CFAP69: variants seen among roughly 807,000 people sequenced by gnomAD.
The protein encoded by CFAP69 is cilia- and flagella-associated protein 69.
Under a neutral mutation model 123.0 loss-of-function variants are expected in CFAP69, and 92 were observed. The observed-to-expected ratio is 0.75, with a 90% CI of 0.63 to 0.89. The LOEUF (loss-of-function observed/expected upper bound fraction) is 0.89. CFAP69 is among the 40% of genes least tolerant of loss of function. The pLI is 0.00. For synonymous variants in CFAP69, 380 were observed against 364.3 expected, an observed-to-expected ratio of 1.04 and a Z score of -0.49; for missense variants, 1,067 against 1,096.9, an observed-to-expected ratio of 0.97 and a Z score of 0.39.
chr7:90,245,270 C>T lies in CFAP69; in HGVS notation c.-155C>T. ...CGCTAAGCGGACTGTATGGCGGTGG[C>T]CTAGGCCCCTGGCGGAATTTTGGGA... On this transcript the variant is annotated 5_prime_UTR_variant, in exon 1 of 23. Transcript: ENST00000389297. 1 of 1,036,580 alleles carries T rather than the reference C, an allele frequency of 9.6e-7. No homozygotes were observed. The highest frequency in any genetic ancestry group is 1.3e-6 in the Non-Finnish European group (1 of 766,684). The allele number at this position is 1,036,580 out of a possible 1,614,324, so 64.2% of individuals were successfully genotyped here.
Position 90,309,329 on chromosome 7 carries a change from A to G in CFAP69, c.2617A>G (p.Ile873Val), listed in dbSNP as rs1794038863. The stretch of plus-strand genomic sequence containing the variant: ...ATACCATAAACGACCACAAAATGCA[A>G]TATTTCACCAAACACATATTAAAGG... The part of the protein sequence containing the change: ...SRYHKRPQNA[I>V]FHQTHIKGLN... The change falls in exon 22 of 23, where the codon ATA (isoleucine) becomes GTA (valine). Residue 873 changes from isoleucine to valine, a missense_variant. Coordinates refer to ENST00000389297, the MANE Select transcript of CFAP69 (RefSeq NM_001039706.3). 3.1e-6 allele frequency: 5 copies of G among 1,589,722 alleles called. No homozygotes were observed. Among genetic ancestry groups the G allele is most frequent in the Non-Finnish European group, 4.3e-6 (5 of 1,167,886 alleles).
chr7:90,291,275 C>G (rs982624784), intron 15 of CFAP69, among the ~76,000 whole-genome samples: 3 of 152,242 alleles, frequency 2.0e-5, no homozygotes, highest in Middle Eastern at 3.4e-3. Context: ...TTATGCCTCC[C>G]CTTTATAGAA....
At chr7:90,291,612 A>G (rs867937280) in intron 15 of CFAP69, among the ~76,000 whole-genome samples, 1 of 152,068 alleles carries the variant, frequency 6.6e-6, no homozygotes, top group South Asian at 2.1e-4. Flanking sequence ...CATCCCTTTT[A>G]TAAGAGAAGC....
chr7:90,255,404 A>G lies in CFAP69; in HGVS notation c.121-19A>G. 7 of 1,598,364 alleles carry G rather than the reference A, an allele frequency of 4.4e-6. No homozygotes were observed. The highest frequency in any genetic ancestry group is 6.0e-6 in the Non-Finnish European group (7 of 1,166,914). ...ATATAGAAGATGATCTAGAATAGTAAGAGTTGTATGTTTTTTAGGATGTTT... is the reference window on the plus strand; with the variant it reads ...ATATAGAAGATGATCTAGAATAGTAGGAGTTGTATGTTTTTTAGGATGTTT... On this transcript the variant is annotated intron_variant, in intron 1 of 22. Coordinates refer to ENST00000389297, the MANE Select transcript of CFAP69 (RefSeq NM_001039706.3).
chr7:90,271,707 T>C (rs775864927), intron 7 of CFAP69, 32 bp downstream of exon 7: 2 of 1,598,362 alleles, frequency 1.3e-6, no homozygotes, highest in East Asian at 2.2e-5. Context: ...AACACTTCAT[T>C]GTCAACTACT....
In CFAP69 at chr7:90,311,005, A is replaced by C. The variant is rs1794278012; in HGVS notation, c.*767A>C. ...TTAGTCATGAGCCAAATGGTAAAAA[A>C]GAAAAAAAAATGCAGCTGGTTTTAC... On this transcript the variant is annotated 3_prime_UTR_variant, in exon 23 of 23. Coordinates refer to ENST00000389297, the MANE Select transcript of CFAP69 (RefSeq NM_001039706.3). 2 of 152,202 alleles carry C rather than the reference A, an allele frequency of 1.3e-5. No homozygotes were observed. The highest frequency in any genetic ancestry group is 4.8e-5 in the African/African-American group (2 of 41,456). 9.4% of individuals were successfully genotyped at this position (152,202 alleles called of 1,614,324 possible).
At position 90,286,386 on chromosome 7, in the gene CFAP69, A is replaced by G; in HGVS notation, c.1643A>G (p.His548Arg). The part of the protein sequence containing the change: ...LLILSGLCEN[H>R]IQRKEIFGTE... ...ATCCTATCTGGCCTTTGTGAGAATC[A>G]CATTCAAAGGAAGGTATGTATGCCT... is the stretch of plus-strand genomic sequence containing the variant. Residue 548 changes from histidine (H) to arginine (R), a missense_variant, in exon 14 of 23, where the codon CAC becomes CGC. His to Arg is a conservative substitution (Grantham distance 29). Coordinates refer to ENST00000389297, the MANE Select transcript of CFAP69 (RefSeq NM_001039706.3). 1 of 1,611,986 alleles carries G rather than the reference A, an allele frequency of 6.2e-7. No homozygotes were observed. Among genetic ancestry groups the G allele is most frequent in the South Asian group, 1.1e-5 (1 of 90,650 alleles).
chr7:90,309,422 G>T, intron 22 of CFAP69, 55 bp downstream of exon 22: 2 of 993,610 alleles, frequency 2.0e-6, no homozygotes, highest in South Asian at 3.6e-5. Context: ...TAGAGTGTTT[G>T]AACAACTGTG....
At chr7:90,316,231 G>A in the CFAP69 span, among the ~76,000 whole-genome samples, 3 of 152,244 alleles carry the variant, frequency 2.0e-5, no homozygotes, top group East Asian at 5.8e-4. Flanking sequence ...TTTCTCCTCA[G>A]CCTTAAGCTC....
intron 4 of CFAP69, among the ~76,000 whole-genome samples, chr7:90,264,776 T>C (rs576667094): frequency 6.6e-6 from 1 of 152,070 alleles, no homozygotes; most frequent in Non-Finnish European, 1.5e-5. Flanking sequence ...TTTTGGTCAG[T>C]TCATTAGAAA....
chr7:90,257,517 C>T (rs1331361631), intron 2 of CFAP69, among the ~76,000 whole-genome samples: 1 of 152,124 alleles, frequency 6.6e-6, no homozygotes, highest in Non-Finnish European at 1.5e-5. Context: ...CCCTACTTTG[C>T]TAACAAATAT....
chr7:90,280,246 A>G (rs952792682), intron 12 of CFAP69, among the ~76,000 whole-genome samples: 3 of 152,184 alleles, frequency 2.0e-5, no homozygotes, highest in African/African-American at 7.2e-5. Context: ...CACCCAGGCT[A>G]TAGTGCAATG....
intron 1 of CFAP69, among the ~76,000 whole-genome samples, chr7:90,254,423 C>A (rs10279632): frequency 0.18 from 27,073 of 151,988 alleles, 4,794 homozygotes; most frequent in East Asian, 0.72. Flanking sequence ...TTTTCCAAAT[C>A]TTTATTAAGC....
rs1040240256 is a variant in CFAP69, at chr7:90,287,319, T to C, written c.1657-915T>C. Among the ~76,000 whole-genome samples the C allele has an allele frequency of 3.2e-4, 48 of 152,280 alleles. 1 individual carries two copies. The highest frequency in any genetic ancestry group is 5.4e-4 in the Non-Finnish European group (37 of 68,016). ...CTAGTGGGTATAATGCTTTCATTTCTCTCGGGTAAGTATCTACAATTGGAA... is the reference window on the plus strand; with the variant it reads ...CTAGTGGGTATAATGCTTTCATTTCCCTCGGGTAAGTATCTACAATTGGAA... On this transcript the variant is annotated intron_variant, in intron 14 of 22. Coordinates refer to ENST00000389297, the MANE Select transcript of CFAP69 (RefSeq NM_001039706.3).
At chr7:90,258,633 C>G (rs762086469) in intron 3 of CFAP69, among the ~76,000 whole-genome samples, 2 of 152,056 alleles carry the variant, frequency 1.3e-5, no homozygotes, top group East Asian at 1.9e-4. Flanking sequence ...TGAAAAGTCC[C>G]TTTGCTATGT....
chr7:90,250,568 GAAGTAAGTC>G (rs1796895637), intron 1 of CFAP69, among the ~76,000 whole-genome samples: 1 of 152,214 alleles, frequency 6.6e-6, no homozygotes, highest in South Asian at 2.1e-4. Context: ...TAATTTGAAT[GAAGTAAGTC>G]TGATTGTCTT....
Position 90,310,080 on chromosome 7 carries a change from G to A in CFAP69, c.2668G>A (p.Gly890Arg), listed in dbSNP as rs201625526. ...KGLNTTVPSG[G>R]VVTVESTPAR... ...TTTGCCTTTTTAGGTGCCCTCTGGTGGAGTAGTAACAGTGGAAAGCACTCC... is the reference window on the plus strand; with the variant it reads ...TTTGCCTTTTTAGGTGCCCTCTGGTAGAGTAGTAACAGTGGAAAGCACTCC... Residue 890 changes from glycine to arginine, a missense_variant, in exon 23 of 23, where the codon GGA (glycine) becomes AGA (arginine). By Grantham distance (125) the Gly-to-Arg change is moderately radical. Coordinates refer to ENST00000389297, the MANE Select transcript of CFAP69 (RefSeq NM_001039706.3). 5.0e-4 allele frequency: 806 copies of A among 1,608,438 alleles called. 1 individual carries two copies. The highest frequency in any genetic ancestry group is 1.8e-3 in the Middle Eastern group (11 of 6,044).
the CFAP69 span, chr7:90,320,631 C>T: frequency 6.6e-6 from 1 of 152,176 alleles, no homozygotes; most frequent in African/African-American, 2.4e-5. Context: ...CATTGACAGC[C>T]AACGGGGAGG....
At chr7:90,276,470 C>T (rs1471190504) in intron 9 of CFAP69, among the ~76,000 whole-genome samples, 2 of 152,206 alleles carry the variant, frequency 1.3e-5, no homozygotes, top group African/African-American at 2.4e-5. Flanking sequence ...ACTACAAGCT[C>T]ATAAGCCCAG....
Sources: allele counts gnomAD v4.1 joint callset (sites outside exome capture counted in the v4.1 genomes callset), GRCh38; gene constraint gnomAD v4.1.1; transcripts MANE v1.5; gene names NCBI Gene and HGNC (gene_info 2026-07-23, HGNC 2026-07-21).